SHOC2: variants seen among roughly 807,000 people sequenced by gnomAD.
SHOC2 encodes the protein leucine-rich repeat protein SHOC-2.
A neutral mutation model predicts 50.2 loss-of-function variants in SHOC2; 4 were observed. That is an observed-to-expected ratio of 0.08 (90% confidence interval 0.04 to 0.18). The LOEUF is 0.18. SHOC2 is among the 10% of genes least tolerant of loss of function. The probability of loss-of-function intolerance (pLI) is 1.00; values close to 1 mark genes in which losing one functional copy is unlikely to be tolerated. For missense variants in SHOC2, 388 were observed against 669.6 expected (o/e 0.58, Z 4.64); for synonymous variants, 218 against 244.5 (o/e 0.89, Z 1.01).
intron 1 of SHOC2, among the ~76,000 whole-genome samples, chr10:110,939,149 T>G (rs1432509848): frequency 6.6e-6 from 1 of 152,196 alleles, no homozygotes; most frequent in Non-Finnish European, 1.5e-5. Flanking sequence ...TTTGCCTAGG[T>G]CACATTGGAA....
At chr10:110,948,680 A>G (rs1847294443) in intron 1 of SHOC2, among the ~76,000 whole-genome samples, 1 of 152,346 alleles carries the variant, frequency 6.6e-6, no homozygotes, top group African/African-American at 2.4e-5. Context: ...TCTCGAGACA[A>G]AAGACAGTGG....
chr10:110,971,176 T>C (rs1847774892), intron 2 of SHOC2, among the ~76,000 whole-genome samples: 1 of 152,108 alleles, frequency 6.6e-6, no homozygotes, highest in Admixed American at 6.6e-5. Context: ...AGTTTTATAT[T>C]TTTGGTTCTT....
chr10:110,919,520 T>TGGCGGGGCGGGCGG (rs1279053339), upstream of SHOC2: 2 of 117,702 alleles, frequency 1.7e-5, no homozygotes, highest in Admixed American at 2.0e-4. Context: ...GCGAGAGTAG[T>TGGCGGGGCGGGCGG]GGCGGGGCGG....
At chr10:110,976,031 C>T (rs1025263021) in intron 2 of SHOC2, among the ~76,000 whole-genome samples, 5 of 152,214 alleles carry the variant, frequency 3.3e-5, no homozygotes, top group South Asian at 2.1e-4. Flanking sequence ...CTGCTTCAGC[C>T]TCCCAAGTAG....
intron 3 of SHOC2, chr10:110,986,023 T>A (rs796901549): frequency 4.8e-5 from 18 of 372,678 alleles, no homozygotes; most frequent in African/African-American, 3.5e-4. Context: ...TCTGTCATAG[T>A]TTGAATTGCA....
intron 1 of SHOC2, among the ~76,000 whole-genome samples, chr10:110,945,621 C>T (rs1354648147): frequency 1.3e-5 from 2 of 152,100 alleles, no homozygotes; most frequent in South Asian, 2.1e-4. Flanking sequence ...ATGTCGCCTC[C>T]ACTTGGGCTT....
At chr10:110,999,736 C>CAA (rs145780250) in intron 3 of SHOC2, among the ~76,000 whole-genome samples, 51,445 of 80,114 alleles carry the variant, frequency 0.64, 17,792 homozygotes, top group Non-Finnish European at 0.74. Context: ...GACTCAGTCT[C>CAA]AAAAAAAAAA....
At chr10:111,010,631 T>A (rs532315521) in intron 8 of SHOC2, among the ~76,000 whole-genome samples, 1 of 152,240 alleles carries the variant, frequency 6.6e-6, no homozygotes, top group African/African-American at 2.4e-5. Context: ...TGTATACATA[T>A]GTAACAAACC....
In SHOC2 at chr10:110,944,813, CAA is replaced by C. The variant is rs1336791395; in HGVS notation, c.-234-19310_-234-19309del. On this transcript the variant is annotated intron_variant, in intron 1 of 8. Transcript: ENST00000369452. The stretch of plus-strand genomic sequence containing the variant: ...AGCTTAGTTGTTGCTAATGACTGGA[CAA>C]AGATTTCTTTACATGCCTGGAACCA... Among the ~76,000 whole-genome samples, 3 of 152,180 alleles carry C rather than the reference CAA, an allele frequency of 2.0e-5. No individual in the cohort carries two copies. In the East Asian group the frequency reaches 5.8e-4, roughly 29 times the overall value.
chr10:110,969,639 T>TTA (rs1284725199), intron 2 of SHOC2, among the ~76,000 whole-genome samples: 3 of 152,180 alleles, frequency 2.0e-5, no homozygotes, highest in African/African-American at 7.2e-5. Context: ...TTTCTTCTCT[T>TTA]TCTTTAAAGT....
intron 1 of SHOC2, among the ~76,000 whole-genome samples, chr10:110,961,107 C>T (rs1169690722): frequency 6.6e-6 from 1 of 152,048 alleles, no homozygotes. Context: ...TAGTAAAGAT[C>T]CCTGTATAAA....
chr10:110,934,956 G>T (rs367893040), intron 1 of SHOC2, among the ~76,000 whole-genome samples: 2 of 152,092 alleles, frequency 1.3e-5, no homozygotes, highest in African/African-American at 4.8e-5. Context: ...CTTCTACCCA[G>T]TTTCTGCTCC....
chr10:111,008,077 G>A (rs1413146975), intron 6 of SHOC2, among the ~76,000 whole-genome samples: 1 of 148,238 alleles, frequency 6.7e-6, no homozygotes, highest in Non-Finnish European at 1.5e-5. Context: ...ATTGATTATT[G>A]TCTTTGTTGT....
At chr10:111,003,098 G>A (rs982638856) in intron 4 of SHOC2, among the ~76,000 whole-genome samples, 1 of 152,122 alleles carries the variant, frequency 6.6e-6, no homozygotes, top group African/African-American at 2.4e-5. Context: ...AATTTTAAGG[G>A]TAGCTTCTTA....
At chr10:110,974,967 C>G (rs1276270949) in intron 2 of SHOC2, among the ~76,000 whole-genome samples, 1 of 151,992 alleles carries the variant, frequency 6.6e-6, no homozygotes, top group Non-Finnish European at 1.5e-5. Flanking sequence ...AGTTTCAAAA[C>G]CATTTTGGAA....
Position 111,012,111 on chromosome 10 carries a change from G to A in SHOC2, c.*293G>A, listed in dbSNP as rs543400072. 5.9e-4 allele frequency: 221 copies of A among 373,656 alleles called. 1 individual carries two copies. Among genetic ancestry groups the A allele is most frequent in the South Asian group, 5.8e-3 (203 of 35,042 alleles). 23.1% of individuals were successfully genotyped at this position (373,656 alleles called of 1,614,324 possible). A position where few individuals can be genotyped will look rare whatever the true frequency, so the allele number is the denominator to read the frequency against. The stretch of plus-strand genomic sequence containing the variant: ...ACATTATGAAGTTATTAAATTTAAG[G>A]GACAGAGGTAGTATAGTTAGATATA... On this transcript the variant is annotated 3_prime_UTR_variant, in exon 9 of 9. Coordinates refer to ENST00000369452, the MANE Select transcript of SHOC2 (RefSeq NM_007373.4).
intron 3 of SHOC2, among the ~76,000 whole-genome samples, chr10:110,989,264 TTTC>T (rs1170708459): frequency 6.6e-6 from 1 of 152,226 alleles, no homozygotes; most frequent in Non-Finnish European, 1.5e-5. Context: ...GGAGTCTCTT[TTTC>T]TTCTTATTTT....
intron 1 of SHOC2, among the ~76,000 whole-genome samples, chr10:110,954,057 G>A (rs10885068): frequency 0.53 from 79,798 of 150,998 alleles, 24,506 homozygotes; most frequent in Non-Finnish European, 0.69. Flanking sequence ...TTGTATTCAG[G>A]AAAAGCTACT....
At position 111,012,349 on chromosome 10, in the gene SHOC2, T is replaced by C. The variant is rs1053493127; in HGVS notation, c.*531T>C. The C allele has an allele frequency of 6.3e-6, 1 of 157,890 alleles. No homozygotes were observed. Among genetic ancestry groups the C allele is most frequent in the Admixed American group, 6.2e-5 (1 of 16,146 alleles). The allele number at this position is 157,890 out of a possible 1,614,324, so 9.8% of individuals were successfully genotyped here. A position where few individuals can be genotyped will look rare whatever the true frequency, so the allele number is the denominator to read the frequency against. On this transcript the variant is annotated 3_prime_UTR_variant, in exon 9 of 9. Transcript: ENST00000369452. ...TTTTGTTTGTTTTGATTTGCTCTGT[T>C]TTATTCAGTCAAATCTAGAGTTTGA...
Sources: allele counts gnomAD v4.1 joint callset (sites outside exome capture counted in the v4.1 genomes callset), GRCh38; gene constraint gnomAD v4.1.1; transcripts MANE v1.5; gene names NCBI Gene and HGNC (gene_info 2026-07-23, HGNC 2026-07-21).